MYO18B: variants seen among roughly 807,000 people sequenced by gnomAD.
MYO18B encodes unconventional myosin-XVIIIb.
Under a neutral mutation model 273.0 loss-of-function variants are expected in MYO18B, and 204 were observed. The observed-to-expected ratio is 0.75, with a 90% CI of 0.67 to 0.84. The LOEUF (loss-of-function observed/expected upper bound fraction) is 0.84, where lower values mean the gene tolerates loss of function less well. Ranked by LOEUF, MYO18B falls within the 40% of genes least tolerant of loss-of-function variation. The pLI, the probability that MYO18B is intolerant of heterozygous loss-of-function variation, is 0.00. For synonymous variants in MYO18B, 1,330 were observed against 1,305.7 expected, an observed-to-expected ratio of 1.02 and a Z score of -0.40; for missense variants, 3,212 against 3,287.6, an observed-to-expected ratio of 0.98 and a Z score of 0.56.
chr22:25,775,827 C>T (rs2086892986), intron 7 of MYO18B, among the ~76,000 whole-genome samples: 1 of 151,702 alleles, frequency 6.6e-6, no homozygotes, highest in Non-Finnish European at 1.5e-5. Context: ...GAATTAATTT[C>T]TTTCATCGAT....
intron 39 of MYO18B, among the ~76,000 whole-genome samples, 192 bp from the exon 40 acceptor site, chr22:25,992,171 A>G (rs1424681110): frequency 2.6e-5 from 4 of 152,262 alleles, no homozygotes; most frequent in Admixed American, 2.0e-4. Flanking sequence ...TCCCTCCTCT[A>G]TGAAACTTGG....
At chr22:25,797,217 G>A (rs1372343380) in intron 11 of MYO18B, among the ~76,000 whole-genome samples, 2 of 152,202 alleles carry the variant, frequency 1.3e-5, no homozygotes, top group Non-Finnish European at 1.5e-5. Context: ...AACAGAGCGA[G>A]ACTCTGTCTC....
chr22:25,944,950 G>A (rs1362847202), intron 34 of MYO18B, among the ~76,000 whole-genome samples: 1 of 152,078 alleles, frequency 6.6e-6, no homozygotes, highest in African/African-American at 2.4e-5. Flanking sequence ...CCAGTGGGGC[G>A]TGTCTGTCAC....
intron 19 of MYO18B, among the ~76,000 whole-genome samples, chr22:25,847,096 G>T (rs117556377): frequency 0.01 from 1,531 of 149,140 alleles, 12 homozygotes; most frequent in Non-Finnish European, 0.016. Context: ...AAAAAATAAA[G>T]AAAGAAAGAA....
At chr22:26,036,767 G>A in the MYO18B span, among the ~76,000 whole-genome samples, 1 of 152,206 alleles carries the variant, frequency 6.6e-6, no homozygotes, top group Non-Finnish European at 1.5e-5. Context: ...TGCAGCAAAA[G>A]GTGGAAGGAC....
intron 1 of MYO18B, among the ~76,000 whole-genome samples, chr22:25,746,355 T>C (rs1355545414): frequency 6.6e-6 from 1 of 152,242 alleles, no homozygotes; most frequent in Non-Finnish European, 1.5e-5. Flanking sequence ...TATTGCCCTC[T>C]TCTTCTCTTG....
intron 34 of MYO18B, 33 bp downstream of exon 34, chr22:25,921,442 C>G: frequency 6.3e-7 from 1 of 1,587,208 alleles, no homozygotes; most frequent in Non-Finnish European, 8.6e-7. Flanking sequence ...GAGAATCAGG[C>G]TGGGGAGGAT....
rs775888404 is a variant in MYO18B at position 25,761,109 on chromosome 22, G to T, written c.17G>T (p.Arg6Leu). Residue 6 changes from arginine to leucine, a missense_variant, in exon 2 of 44, where the codon CGC becomes CTC. Transcript: ENST00000335473. MAISS[R>L]LALWEQKIRE... ...TGCCTCAGCATGGCCATCTCATCAC[G>T]CCTCGCCCTGTGGGAGCAGAAGGAA... 3.1e-6 allele frequency: 5 copies of T among 1,613,286 alleles called. No homozygotes were observed. Among genetic ancestry groups the T allele is most frequent in the East Asian group, 4.5e-5 (2 of 44,884 alleles).
At chr22:25,949,095 G>T (rs1044093776) in intron 36 of MYO18B, among the ~76,000 whole-genome samples, 3 of 152,098 alleles carry the variant, frequency 2.0e-5, no homozygotes, top group Non-Finnish European at 4.4e-5. Flanking sequence ...TATGAGATTG[G>T]GTTTTATTTT....
intron 4 of MYO18B, 52 bp downstream of exon 4, chr22:25,769,480 A>C (rs1163541538): frequency 7.0e-7 from 1 of 1,420,024 alleles, no homozygotes; most frequent in African/African-American, 1.4e-5. Flanking sequence ...GCCTCTCCAG[A>C]GATGCAGGGA....
At position 25,910,940 on chromosome 22, in the gene MYO18B, C is replaced by T. The variant is rs866230512; in HGVS notation, c.5260-6C>T. ...CCTGTGATGTTTCTTCCCTGTGTAT[C>T]CACAGCTTCATCAGCTGGAAATGCA... On this transcript the variant is annotated splice_region_variant and splice_polypyrimidine_tract_variant and intron_variant, in intron 32 of 43. Transcript: ENST00000335473. 2 of 1,578,638 alleles carry T rather than the reference C, an allele frequency of 1.3e-6. No homozygotes were observed. The highest frequency in any genetic ancestry group is 1.7e-6 in the Non-Finnish European group (2 of 1,160,932).
rs911420848 is a variant in MYO18B at position 26,026,949 on chromosome 22, C to T, written c.6975C>T (p.Ser2325=). The T allele has an allele frequency of 6.2e-7, 1 of 1,613,718 alleles. No individual in the cohort carries two copies. The highest frequency in any genetic ancestry group is 8.5e-7 in the Non-Finnish European group (1 of 1,179,866). Residue 2325 remains serine (S), a synonymous_variant, in exon 43 of 44, where the codon AGC becomes AGT. Transcript: ENST00000335473. ...CTGGTGGTCTCTTGAGGTCCACCAG[C>T]CTCAAATGCATCTCTTCAGACGGTG... ...GAAGGLLRST[S]LKCISSDGVG... is the part of the protein sequence containing the mutation.
rs2091066583 is a variant in MYO18B at position 25,872,207 on chromosome 22, AGTGCAGGATG to A, written c.3952-2076_3952-2067del. 2.0e-5 allele frequency among the ~76,000 whole-genome samples: 3 copies of A among 152,234 alleles called. No individual in the cohort carries two copies. In the South Asian group the frequency reaches 6.2e-4, roughly 32 times the overall value. On this transcript the variant is annotated intron_variant, in intron 22 of 43. Transcript: ENST00000335473. ...TTATTTTCCCATTGAGAAAAGGCAT[AGTGCAGGATG>A]GTCGGAGATGAGTGGTCTCCATTAC...
At chr22:25,815,272 T>A (rs1036559802) in intron 12 of MYO18B, among the ~76,000 whole-genome samples, 3 of 152,180 alleles carry the variant, frequency 2.0e-5, no homozygotes, top group Non-Finnish European at 4.4e-5. Context: ...CTGGGCTTGG[T>A]CCTGGACTCT....
At chr22:25,917,345 T>C (rs2092276022) in intron 33 of MYO18B, among the ~76,000 whole-genome samples, 1 of 152,200 alleles carries the variant, frequency 6.6e-6, no homozygotes. Context: ...TGTCATAGTT[T>C]CTCTTTATGT....
chr22:25,880,419 A>T (rs543532466), intron 25 of MYO18B, among the ~76,000 whole-genome samples: 62 of 152,282 alleles, frequency 4.1e-4, no homozygotes, highest in African/African-American at 1.4e-3. Flanking sequence ...TGAGATTTTT[A>T]AAATATTGAA....
At chr22:25,777,194 T>C (rs577133145) in intron 7 of MYO18B, among the ~76,000 whole-genome samples, 33 of 152,258 alleles carry the variant, frequency 2.2e-4, no homozygotes, top group Non-Finnish European at 3.8e-4. Flanking sequence ...CCATTCCCTG[T>C]GTCCATAGCA....
chr22:25,763,371 C>T lies in MYO18B; in HGVS notation c.180C>T (p.Val60=), dbSNP rs755446258. The T allele has an allele frequency of 1.2e-5, 19 of 1,611,260 alleles. No homozygotes were observed. The highest frequency in any genetic ancestry group is 4.5e-5 in the East Asian group (2 of 44,852). Reference sequence around the variant, plus strand: ...CGAGACAGAGGAAGCAGTTAGCTGTCGCCTCTCCAGAACGAGAGGTAAGTG... The same window carrying T: ...CGAGACAGAGGAAGCAGTTAGCTGTTGCCTCTCCAGAACGAGAGGTAAGTG... The part of the protein sequence containing the change: ...KEARQRKQLA[V]ASPEREIPEI... Residue 60 remains valine (V), a synonymous_variant, in exon 3 of 44, where the codon GTC becomes GTT. Transcript: ENST00000335473.
At position 25,817,975 on chromosome 22, in the gene MYO18B, G is replaced by A. The variant is rs528184137; in HGVS notation, c.2522-5530G>A. Among the ~76,000 whole-genome samples, 105 of 152,304 alleles carry A rather than the reference G, an allele frequency of 6.9e-4. 1 individual carries two copies. The highest frequency in any genetic ancestry group is 2.5e-3 in the African/African-American group (102 of 41,566). On this transcript the variant is annotated intron_variant, in intron 12 of 43. Transcript: ENST00000335473. Reference sequence around the variant, plus strand: ...GCAGTGAGGAAGGGAAATGGGGTAGGAAGGCAGGAACTGTGGGCCCATCTG... The same window carrying A: ...GCAGTGAGGAAGGGAAATGGGGTAGAAAGGCAGGAACTGTGGGCCCATCTG...
Sources: allele counts gnomAD v4.1 joint callset (sites outside exome capture counted in the v4.1 genomes callset), GRCh38; gene constraint gnomAD v4.1.1; transcripts MANE v1.5; gene names NCBI Gene and HGNC (gene_info 2026-07-23, HGNC 2026-07-21).